The following TCF25 variants were observed in gnomAD, a reference collection of about 807,000 sequenced individuals.
The protein encoded by TCF25 is TCF25 ribosome quality control complex subunit.
A neutral mutation model predicts 83.1 loss-of-function variants in TCF25; 41 were observed. That is an observed-to-expected ratio of 0.49 (90% CI 0.38 to 0.64). TCF25 has a LOEUF of 0.64. TCF25 is among the 30% of genes least tolerant of loss of function. TCF25 has a pLI of 0.00. For missense variants in TCF25, 979 were observed against 914.5 expected, an observed-to-expected ratio of 1.07 and a Z score of -0.91; for synonymous variants, 458 against 365.0, an observed-to-expected ratio of 1.25 and a Z score of -2.90.
At chr16:89,881,051 A>G (rs2042569897) in intron 1 of TCF25, among the ~76,000 whole-genome samples, 1 of 152,190 alleles carries the variant, frequency 6.6e-6, no homozygotes. Flanking sequence ...ACACGTCTAT[A>G]CTGCCATGGA....
chr16:89,907,204 A>G, intron 15 of TCF25, 39 bp from the exon 16 acceptor site: 1 of 1,604,030 alleles, frequency 6.2e-7, no homozygotes, highest in Non-Finnish European at 8.5e-7. Context: ...GCCCCCTGGC[A>G]GCATCTGTAG....
At chr16:89,876,736 C>G (rs1317654165) in intron 1 of TCF25, among the ~76,000 whole-genome samples, 1 of 151,878 alleles carries the variant, frequency 6.6e-6, no homozygotes, top group Non-Finnish European at 1.5e-5. Flanking sequence ...ACCATCCTGG[C>G]TAACACGGTG....
rs2045535192 is a variant in TCF25 at position 89,911,288 on chromosome 16, C to T, written c.*50C>T. The T allele has an allele frequency of 2.5e-6, 4 of 1,600,338 alleles. No individual in the cohort carries two copies. The highest frequency in any genetic ancestry group is 1.1e-5 in the South Asian group (1 of 90,708). On this transcript the variant is annotated 3_prime_UTR_variant, in exon 18 of 18. Transcript: ENST00000263346. ...CCGTATGATGATGTTCCCGATTTCT[C>T]TGTTGGTCGGAGTCGGCCAGTTGCC... is the stretch of plus-strand genomic sequence containing the variant.
chr16:89,909,661 G>C (rs541575728), intron 16 of TCF25: 1 of 144,754 alleles, frequency 6.9e-6, no homozygotes, highest in African/African-American at 2.6e-5. Flanking sequence ...CTGGGTGACA[G>C]AGTGACTCCA....
At position 89,885,881 on chromosome 16, in the gene TCF25, G is replaced by A; in HGVS notation, c.463G>A (p.Glu155Lys). 3.1e-6 allele frequency: 5 copies of A among 1,614,128 alleles called. No homozygotes were observed. Among genetic ancestry groups the A allele is most frequent in the Non-Finnish European group, 3.4e-6 (4 of 1,179,996 alleles). The change falls in exon 4 of 18, where the codon GAG (glutamate) becomes AAG (lysine). Residue 155 changes from glutamate (E) to lysine (K), a missense_variant. By Grantham distance (56) the Glu-to-Lys change is moderately conservative. Coordinates refer to ENST00000263346, the MANE Select transcript of TCF25 (RefSeq NM_014972.3). The part of the protein sequence containing the change: ...NGLEDIDRIL[E>K]RIEDSTGLNR... ...ACTAGAAGATATCGATCGCATCCTAGAGAGGATTGAGGACAGCACTGGGTT... is the reference window on the plus strand; with the variant it reads ...ACTAGAAGATATCGATCGCATCCTAAAGAGGATTGAGGACAGCACTGGGTT...
chr16:89,895,408 G>A (rs938857473), intron 8 of TCF25, among the ~76,000 whole-genome samples: 23 of 152,000 alleles, frequency 1.5e-4, no homozygotes, highest in South Asian at 8.3e-4. Flanking sequence ...GGGTTTCACC[G>A]TGTTGGCCAG....
At position 89,892,185 on chromosome 16, in the gene TCF25, CT is replaced by C; in HGVS notation, c.615-7del. On this transcript the variant is annotated splice_region_variant and splice_polypyrimidine_tract_variant and intron_variant, in intron 5 of 17. Coordinates refer to ENST00000263346, the MANE Select transcript of TCF25 (RefSeq NM_014972.3). ...AGTAAAGCTGTACCTGTGTCCCGTT[CT>C]CCCCAGGCCACGGCAGAGACAACGT... 6.2e-7 allele frequency: 1 copy of C among 1,600,944 alleles called. No homozygotes were observed. The highest frequency in any genetic ancestry group is 8.5e-7 in the Non-Finnish European group (1 of 1,174,012).
At chr16:89,874,090 C>A (rs2041963542) in intron 1 of TCF25, among the ~76,000 whole-genome samples, 1 of 136,180 alleles carries the variant, frequency 7.3e-6, no homozygotes, top group Admixed American at 7.5e-5. Flanking sequence ...GGTTCTAACC[C>A]CGGTGAGGTG....
At chr16:89,903,942 C>A (rs1048514667) in intron 12 of TCF25, among the ~76,000 whole-genome samples, 176 bp from the exon 13 acceptor site, 14 of 152,180 alleles carry the variant, frequency 9.2e-5, no homozygotes, top group African/African-American at 3.4e-4. Context: ...CCTGGGCACG[C>A]CAGCAGCAGC....
At chr16:89,891,082 G>T (rs1020059257) in intron 5 of TCF25, among the ~76,000 whole-genome samples, 1 of 152,050 alleles carries the variant, frequency 6.6e-6, no homozygotes, top group South Asian at 2.1e-4. Context: ...CATCGCCCCC[G>T]CACTTCAGCA....
chr16:89,880,104 G>A (rs62056115), intron 1 of TCF25, among the ~76,000 whole-genome samples: 1 of 152,042 alleles, frequency 6.6e-6, no homozygotes, highest in African/African-American at 2.4e-5. Context: ...CAGGCTCCCG[G>A]GCCTATCATG....
intron 6 of TCF25, 59 bp downstream of exon 6, chr16:89,892,334 GC>G: frequency 6.5e-7 from 1 of 1,545,628 alleles, no homozygotes; most frequent in Non-Finnish European, 8.7e-7. Flanking sequence ...CTGTGCACTG[GC>G]CCCGGTACAG....
intron 5 of TCF25, 34 bp downstream of exon 5, chr16:89,887,751 G>C: frequency 6.6e-7 from 1 of 1,525,746 alleles, no homozygotes; most frequent in Non-Finnish European, 8.8e-7. Context: ...TCTCACAGCT[G>C]CTTCATTCCT....
In TCF25 at chr16:89,900,711, C is replaced by T. The variant is rs777872637; in HGVS notation, c.1298C>T (p.Thr433Ile). 7.5e-6 allele frequency: 12 copies of T among 1,607,044 alleles called. No individual in the cohort carries two copies. The South Asian group carries it at 1.3e-4, about 18-fold the overall frequency. The part of the protein sequence containing the change: ...PLAYFLLSQQ[T>I]DLPECEQSSA... ...GCGTATTTCCTGCTGAGCCAGCAGACAGACCTCCCTGAGTGTGAGCAGAGC... is the reference window on the plus strand; with the variant it reads ...GCGTATTTCCTGCTGAGCCAGCAGATAGACCTCCCTGAGTGTGAGCAGAGC... The change falls in exon 12 of 18, where the codon ACA becomes ATA. Residue 433 changes from threonine to isoleucine, a missense_variant. Transcript: ENST00000263346.
At chr16:89,875,513 GTTTTTTTTTTTTTTT>G (rs1193815042) in intron 1 of TCF25, among the ~76,000 whole-genome samples, 3 of 65,952 alleles carry the variant, frequency 4.5e-5, no homozygotes, top group African/African-American at 2.1e-4. Context: ...CCTGACGTGA[GTTTTTTTTTTTTTTT>G]TTTTTTTTTT....
intron 7 of TCF25, 40 bp from the exon 8 acceptor site, chr16:89,894,995 TTGC>T: frequency 6.3e-7 from 1 of 1,580,706 alleles, no homozygotes; most frequent in East Asian, 2.3e-5. Context: ...AGCTGGGGCC[TTGC>T]TGAGTGCCTT....
At chr16:89,906,122 C>T (rs2044757565) in intron 14 of TCF25, 72 bp from the exon 15 acceptor site, 3 of 1,362,674 alleles carry the variant, frequency 2.2e-6, no homozygotes, top group East Asian at 2.5e-5. Flanking sequence ...GGGTGGGGGC[C>T]GAGGCTCCAT....
chr16:89,874,092 G>C (rs1292144752), intron 1 of TCF25, among the ~76,000 whole-genome samples: 1 of 151,566 alleles, frequency 6.6e-6, no homozygotes, highest in Non-Finnish European at 1.5e-5. Context: ...TTCTAACCCC[G>C]GTGAGGTGGG....
Position 89,902,471 on chromosome 16 carries a change from C to G in TCF25, c.1382-1647C>G, listed in dbSNP as rs1275271149. On this transcript the variant is annotated intron_variant, in intron 12 of 17. Coordinates refer to ENST00000263346, the MANE Select transcript of TCF25 (RefSeq NM_014972.3). Reference sequence around the variant, plus strand: ...TTGGGAGGCCGAGGTGGGCGGATCACGAGGTCAGGAGATCGAGACCATCCT... The same window carrying G: ...TTGGGAGGCCGAGGTGGGCGGATCAGGAGGTCAGGAGATCGAGACCATCCT... Among the ~76,000 whole-genome samples, 36 of 120,756 alleles carry G rather than the reference C, an allele frequency of 3.0e-4. 3 individuals carry two copies. The highest frequency in any genetic ancestry group is 1.3e-4 in the Non-Finnish European group (7 of 55,632). 79.2% of individuals were successfully genotyped at this position (120,756 alleles called of 152,430 possible).
Sources: allele counts gnomAD v4.1 joint callset (sites outside exome capture counted in the v4.1 genomes callset), GRCh38; gene constraint gnomAD v4.1.1; transcripts MANE v1.5; gene names NCBI Gene and HGNC (gene_info 2026-07-23, HGNC 2026-07-21).